Variants in ZDHHC7 observed in about 807,000 individuals in gnomAD.
The protein encoded by ZDHHC7 is zDHHC palmitoyltransferase 7.
ZDHHC7 carries 12 observed loss-of-function variants against 34.1 expected under a neutral mutation model. The observed-to-expected ratio is 0.35, with a 90% CI of 0.23 to 0.57. ZDHHC7 has a LOEUF of 0.57. Ranked by LOEUF, ZDHHC7 falls within the 20% of genes least tolerant of loss-of-function variation. ZDHHC7 has a pLI of 0.84. For synonymous variants in ZDHHC7, 185 were observed against 155.4 expected (o/e 1.19, Z -1.42); for missense variants, 388 against 402.7 (o/e 0.96, Z 0.31).
At position 84,975,942 on chromosome 16, in the gene ZDHHC7, G is replaced by A. The variant is rs78079475; in HGVS notation, c.*401C>T. On this transcript the variant is annotated 3_prime_UTR_variant, in exon 8 of 8. Transcript: ENST00000313732. ...TCCGGGGAGTGCACTGCTGAGTGGC[G>A]GGGTCAGCAGGAGCCCCCTGAAATG... The A allele has an allele frequency of 2.0e-4, 43 of 210,282 alleles. 1 individual carries two copies. The highest frequency in any genetic ancestry group is 9.1e-4 in the South Asian group (12 of 13,210). 13.0% of individuals were successfully genotyped at this position (210,282 alleles called of 1,614,324 possible). A position where few individuals can be genotyped will look rare whatever the true frequency, so the allele number is the denominator to read the frequency against.
intron 1 of ZDHHC7, among the ~76,000 whole-genome samples, chr16:85,005,769 C>T (rs769418879): frequency 1.3e-5 from 2 of 152,212 alleles, no homozygotes; most frequent in African/African-American, 2.4e-5. Context: ...TGCAAATGAA[C>T]GGCAGTGTTT....
chr16:85,004,043 T>A (rs1334896926), intron 1 of ZDHHC7, among the ~76,000 whole-genome samples: 1 of 151,964 alleles, frequency 6.6e-6, no homozygotes, highest in Admixed American at 6.6e-5. Flanking sequence ...AAAAAAGATA[T>A]CTGGAAAACT....
the ZDHHC7 span, among the ~76,000 whole-genome samples, chr16:85,019,445 G>A: frequency 2.4e-4 from 36 of 152,166 alleles, no homozygotes; most frequent in African/African-American, 7.9e-4. Context: ...GGCCAGGTAC[G>A]GTGGCTCAGG....
In ZDHHC7 at chr16:84,977,145, T is replaced by C. The variant is rs1194376889; in HGVS notation, c.700A>G (p.Thr234Ala). The change falls in exon 7 of 8, where the codon ACT becomes GCT. Residue 234 changes from threonine (T) to alanine (A), a missense_variant. Physicochemically the swap from Thr to Ala is moderately conservative, Grantham distance 58 (BLOSUM62 0). Transcript: ENST00000313732. Reference sequence around the variant, plus strand: ...ATTTGGGTGCCAAACATAACTGCAGTGAAAGTGAAAAACAGAAGACCCTCA... The same window carrying C: ...ATTTGGGTGCCAAACATAACTGCAGCGAAAGTGAAAAACAGAAGACCCTCA... ...CLEGLLFFTF[T>A]AVMFGTQIHS... 6.2e-7 allele frequency: 1 copy of C among 1,613,966 alleles called. No individual in the cohort carries two copies. Among genetic ancestry groups the C allele is most frequent in the Admixed American group, 1.7e-5 (1 of 59,994 alleles).
At chr16:84,988,240 CG>C (rs1452127300) in intron 3 of ZDHHC7, among the ~76,000 whole-genome samples, 1 of 151,256 alleles carries the variant, frequency 6.6e-6, no homozygotes, top group Non-Finnish European at 1.5e-5. Context: ...GGGCAGAGGG[CG>C]TCGGGTGGTG....
At chr16:85,007,326 G>C (rs149065931) in intron 1 of ZDHHC7, among the ~76,000 whole-genome samples, 1 of 151,548 alleles carries the variant, frequency 6.6e-6, no homozygotes, top group African/African-American at 2.4e-5. Context: ...GGGAGGCTGA[G>C]GCAGGAGAAC....
intron 4 of ZDHHC7, among the ~76,000 whole-genome samples, chr16:84,980,665 A>G (rs1301576450): frequency 6.6e-6 from 1 of 151,978 alleles, no homozygotes; most frequent in Non-Finnish European, 1.5e-5. Context: ...GCAAGACTCC[A>G]TCCCCCCATC....
chr16:85,019,481 G>GCCT, the ZDHHC7 span, among the ~76,000 whole-genome samples: 1 of 152,124 alleles, frequency 6.6e-6, no homozygotes, highest in Non-Finnish European at 1.5e-5. Flanking sequence ...CTTTTAAGAG[G>GCCT]CTGAGGCGGG....
At chr16:85,005,617 T>A (rs542528029) in intron 1 of ZDHHC7, among the ~76,000 whole-genome samples, 46 of 152,212 alleles carry the variant, frequency 3.0e-4, no homozygotes, top group Admixed American at 5.9e-4. Flanking sequence ...GCACTCAGTT[T>A]AAGAAAGTGC....
At chr16:85,012,296 G>C (rs1229625581), upstream of ZDHHC7, among the ~76,000 whole-genome samples, 3 of 148,570 alleles carry the variant, frequency 2.0e-5, no homozygotes, top group African/African-American at 7.5e-5. Context: ...TGAGGCAGGA[G>C]AATCATGAAC....
intron 3 of ZDHHC7, among the ~76,000 whole-genome samples, chr16:84,989,893 T>C (rs1002809723): frequency 1.3e-5 from 2 of 152,124 alleles, no homozygotes; most frequent in African/African-American, 4.8e-5. Context: ...AATACCTGAC[T>C]TTGCATGCCT....
Position 84,990,480 on chromosome 16 carries a change from C to T in ZDHHC7, c.139G>A (p.Gly47Ser). ...CACGTCATGACAGCACAGATCATGC[C>T]GCAGCCGTCACGGATGAACCAGACC... is the stretch of plus-strand genomic sequence containing the variant. ...DRVWFIRDGC[G>S]MICAVMTWLL... Residue 47 changes from glycine (G) to serine (S), a missense_variant, in exon 3 of 8, where the codon GGC becomes AGC. Physicochemically the swap from Gly to Ser is moderately conservative, Grantham distance 56. Transcript: ENST00000313732. 3 of 1,614,132 alleles carry T rather than the reference C, an allele frequency of 1.9e-6. No homozygotes were observed. Among genetic ancestry groups the T allele is most frequent in the Non-Finnish European group, 2.5e-6 (3 of 1,180,014 alleles).
At chr16:84,991,059 G>C (rs571434749) in intron 2 of ZDHHC7, among the ~76,000 whole-genome samples, 1 of 152,114 alleles carries the variant, frequency 6.6e-6, no homozygotes, top group South Asian at 2.1e-4. Context: ...GCAGGTGCTC[G>C]GCACACACTT....
Position 84,981,967 on chromosome 16 carries a change from T to G in ZDHHC7, c.343A>C (p.Lys115Gln). The G allele has an allele frequency of 6.2e-7, 1 of 1,614,200 alleles. No individual in the cohort carries two copies. The highest frequency in any genetic ancestry group is 8.5e-7 in the Non-Finnish European group (1 of 1,180,032). Residue 115 changes from lysine (K) to glutamine (Q), a missense_variant, in exon 4 of 8, where the codon AAA becomes CAA. Transcript: ENST00000313732. ...PGAVPKGNAT[K>Q]EYMESLQLKP... ...AGCTGCAAGCTCTCCATGTATTCTT[T>G]CGTAGCGTTTCCTTTGGGTACTGCC...
At chr16:84,987,859 A>T (rs1255596935) in intron 3 of ZDHHC7, among the ~76,000 whole-genome samples, 1 of 152,204 alleles carries the variant, frequency 6.6e-6, no homozygotes, top group Non-Finnish European at 1.5e-5. Context: ...CACAGACGAG[A>T]TGACTATGAA....
chr16:84,979,948 CCTTTT>C (rs2072345349), intron 4 of ZDHHC7, among the ~76,000 whole-genome samples: 1 of 135,136 alleles, frequency 7.4e-6, no homozygotes, highest in Non-Finnish European at 1.5e-5. Flanking sequence ...CATAGCGTCA[CCTTTT>C]TTTTTTTTTT....
upstream of ZDHHC7, among the ~76,000 whole-genome samples, chr16:85,013,004 A>G (rs2072814290): frequency 6.6e-6 from 1 of 152,190 alleles, no homozygotes; most frequent in Non-Finnish European, 1.5e-5. Flanking sequence ...GAAGCGACAA[A>G]TGCAGGAAAA....
chr16:84,990,901 G>A (rs1337520383), intron 2 of ZDHHC7, among the ~76,000 whole-genome samples: 1 of 152,166 alleles, frequency 6.6e-6, no homozygotes, highest in Admixed American at 6.5e-5. Context: ...CACATACAAA[G>A]ATTATGGAAA....
At chr16:85,023,545 A>G in the ZDHHC7 span, among the ~76,000 whole-genome samples, 24 of 152,218 alleles carry the variant, frequency 1.6e-4, no homozygotes, top group Admixed American at 4.6e-4. Flanking sequence ...TCAAACACAC[A>G]CAGAACTGGT....
Sources: gnomAD v4.1 joint callset for allele counts (sites outside exome capture counted in the v4.1 genomes callset) on GRCh38, gnomAD v4.1.1 for gene constraint, MANE v1.5 for transcripts, NCBI Gene and HGNC (gene_info 2026-07-23, HGNC 2026-07-21) for gene names.